SUMF1: variants seen among roughly 807,000 people sequenced by gnomAD.
The protein encoded by SUMF1 is formylglycine-generating enzyme.
In SUMF1, 48 loss-of-function variants were observed where a neutral mutation model predicts 47.6. That is an observed-to-expected ratio of 1.01 (90% CI 0.80 to 1.28). The LOEUF (loss-of-function observed/expected upper bound fraction) is 1.28, where lower values mean the gene tolerates loss of function less well. SUMF1 is among the 50% of genes most tolerant of loss of function. The probability of loss-of-function intolerance (pLI) is 0.00; values close to 1 mark genes in which losing one functional copy is unlikely to be tolerated. For synonymous variants in SUMF1, 230 were observed against 192.1 expected, an observed-to-expected ratio of 1.20 and a Z score of -1.63; for missense variants, 571 against 485.4, an observed-to-expected ratio of 1.18 and a Z score of -1.66.
rs1085307107 is a variant in SUMF1, at chr3:4,452,983, C to T, written c.337G>A (p.Glu113Lys). ...ATAGTAACTCTCCTCGCAGGTGCTT[C>T]CCCATCCTGCTTTATCTGAGGATCA... is the stretch of plus-strand genomic sequence containing the variant. ...TDDPQIKQDG[E>K]APARRVTIDA... Residue 113 changes from glutamate to lysine, a missense_variant, in exon 2 of 9, where the codon GAA becomes AAA. Glu to Lys is a moderately conservative substitution (Grantham distance 56). Coordinates refer to ENST00000272902, the MANE Select transcript of SUMF1 (RefSeq NM_182760.4). 1.2e-6 allele frequency: 2 copies of T among 1,614,134 alleles called. No individual in the cohort carries two copies. The highest frequency in any genetic ancestry group is 8.5e-7 in the Non-Finnish European group (1 of 1,180,038).
At chr3:4,064,527 C>A (rs899509159) in intron 9 of SUMF1, among the ~76,000 whole-genome samples, 1 of 152,122 alleles carries the variant, frequency 6.6e-6, no homozygotes, top group African/African-American at 2.4e-5. Flanking sequence ...CCATACTCTG[C>A]CTATGGAGTA....
At chr3:4,099,251 G>A (rs1239847552) in intron 8 of SUMF1, among the ~76,000 whole-genome samples, 1 of 152,054 alleles carries the variant, frequency 6.6e-6, no homozygotes, top group African/African-American at 2.4e-5. Context: ...ATTATAAGAG[G>A]TTGTGGTGGA....
At chr3:4,128,962 G>A (rs1403678420) in intron 8 of SUMF1, among the ~76,000 whole-genome samples, 2 of 152,212 alleles carry the variant, frequency 1.3e-5, no homozygotes, top group East Asian at 3.9e-4. Context: ...AGTGAATTGG[G>A]AATGCCTGAT....
rs13079594 is a variant in SUMF1, at chr3:4,268,064, T to G, written c.1014+108266A>C. On this transcript the variant is annotated intron_variant and NMD_transcript_variant, in intron 8 of 12. Coordinates refer to the SUMF1 transcript ENST00000448413. ...TGGAATACTATGCAGCCATAAAAAA[T>G]GATGAGTTCATGTTCTTTGTAGGGA... Among the ~76,000 whole-genome samples, 3 of 151,890 alleles carry G rather than the reference T, an allele frequency of 2.0e-5. No individual in the cohort carries two copies. The East Asian group carries it at 5.8e-4, about 29-fold the overall frequency.
chr3:4,390,840 C>A (rs1700838804), intron 7 of SUMF1, among the ~76,000 whole-genome samples: 1 of 152,170 alleles, frequency 6.6e-6, no homozygotes, highest in Admixed American at 6.5e-5. Flanking sequence ...TTCTAGGACT[C>A]TGAGGTCTTC....
intron 8 of SUMF1, among the ~76,000 whole-genome samples, chr3:4,071,188 G>A (rs1340566217): frequency 6.6e-6 from 1 of 152,048 alleles, no homozygotes; most frequent in Non-Finnish European, 1.5e-5. Context: ...CTTCCACGAT[G>A]GCTGAATAGG....
chr3:4,238,801 G>T (rs542471836), intron 8 of SUMF1, among the ~76,000 whole-genome samples: 1 of 152,082 alleles, frequency 6.6e-6, no homozygotes, highest in African/African-American at 2.4e-5. Context: ...TGTCTATTTT[G>T]GCTTTTGTTG....
intron 8 of SUMF1, among the ~76,000 whole-genome samples, chr3:4,246,869 C>T (rs1305623714): frequency 6.6e-6 from 1 of 152,156 alleles, no homozygotes; most frequent in Non-Finnish European, 1.5e-5. Context: ...AAATTCAGCG[C>T]TAATTCTATA....
intron 9 of SUMF1, among the ~76,000 whole-genome samples, chr3:4,052,586 C>T (rs767281076): frequency 3.3e-5 from 5 of 152,258 alleles, no homozygotes; most frequent in Non-Finnish European, 4.4e-5. Flanking sequence ...GCAATATTCC[C>T]GGACTATGTG....
intron 8 of SUMF1, among the ~76,000 whole-genome samples, chr3:4,152,753 C>T (rs1574931655): frequency 6.6e-6 from 1 of 151,706 alleles, no homozygotes; most frequent in Non-Finnish European, 1.5e-5. Context: ...AGGCTAGTAA[C>T]AACCATTAAT....
chr3:4,181,096 TAG>T lies in SUMF1; in HGVS notation c.1015-112353_1015-112352del, dbSNP rs555142615. Among the ~76,000 whole-genome samples the T allele has an allele frequency of 4.2e-3, 634 of 152,298 alleles. 5 individuals carry two copies. Among genetic ancestry groups the T allele is most frequent in the African/African-American group, 0.014 (602 of 41,556 alleles). On this transcript the variant is annotated intron_variant and NMD_transcript_variant, in intron 8 of 12. Transcript: ENST00000448413. ...ATAATCACAGGAATTTCTTTCCACA[TAG>T]AGGATAGTGGAAGAAAAGACTAGTG...
At chr3:4,353,306 A>G (rs542612010) in intron 8 of SUMF1, among the ~76,000 whole-genome samples, 95 of 152,160 alleles carry the variant, frequency 6.2e-4, no homozygotes, top group South Asian at 2.1e-3. Context: ...AGGCTGGAGT[A>G]CAGTGGCGTG....
rs564713548 is a variant in SUMF1 at position 4,232,946 on chromosome 3, A to T, written c.1014+143384T>A. 2.0e-5 allele frequency among the ~76,000 whole-genome samples: 3 copies of T among 152,108 alleles called. 1 individual carries two copies. The South Asian group carries it at 6.2e-4, about 32-fold the overall frequency. ...CTCCCTCATCTGAAGAAGGATAAAA[A>T]ATGCAGGTGAATCCACGGGTCTCAC... On this transcript the variant is annotated intron_variant and NMD_transcript_variant, in intron 8 of 12. Coordinates refer to the SUMF1 transcript ENST00000448413.
downstream of SUMF1, among the ~76,000 whole-genome samples, chr3:4,360,205 C>CCTT: frequency 9.6e-6 from 1 of 104,142 alleles, no homozygotes; most frequent in Non-Finnish European, 2.0e-5. Flanking sequence ...AATGTTTGTT[C>CCTT]TTTTTTTTTT....
At chr3:4,233,959 C>G (rs1474501994) in intron 8 of SUMF1, among the ~76,000 whole-genome samples, 1 of 152,112 alleles carries the variant, frequency 6.6e-6, no homozygotes, top group African/African-American at 2.4e-5. Context: ...ACCTAATTAG[C>G]AATTAACTCT....
chr3:4,358,360 A>AAAC (rs34641512), downstream of SUMF1, among the ~76,000 whole-genome samples: 55,654 of 151,548 alleles, frequency 0.37, 12,279 homozygotes, highest in African/African-American at 0.62. Flanking sequence ...AGAGTTCCTA[A>AAAC]AACAACAACA....
At chr3:4,414,325 T>C (rs1252039693) in intron 6 of SUMF1, among the ~76,000 whole-genome samples, 1 of 152,194 alleles carries the variant, frequency 6.6e-6, no homozygotes, top group Non-Finnish European at 1.5e-5. Context: ...AGCAGGACCC[T>C]GTCTCAAATA....
intron 8 of SUMF1, among the ~76,000 whole-genome samples, chr3:4,166,717 T>C (rs1465974596): frequency 6.6e-6 from 1 of 152,114 alleles, no homozygotes; most frequent in East Asian, 1.9e-4. Context: ...ACTTGGGTGA[T>C]GTAACTTTAA....
chr3:4,432,620 C>T (rs2125076261), intron 3 of SUMF1, among the ~76,000 whole-genome samples: 1 of 152,294 alleles, frequency 6.6e-6, no homozygotes, highest in South Asian at 2.1e-4. Context: ...CTCAGAGAGA[C>T]CATCACCAAT....
Sources: gnomAD v4.1 joint callset for allele counts (sites outside exome capture counted in the v4.1 genomes callset) on GRCh38, gnomAD v4.1.1 for gene constraint, MANE v1.5 for transcripts, NCBI Gene and HGNC (gene_info 2026-07-23, HGNC 2026-07-21) for gene names.